The following SH2D4A variants were observed in gnomAD, a reference collection of about 807,000 sequenced individuals.
SH2D4A encodes SH2 domain containing 4A, also known as SH2 domain-containing protein 4A.
Under a neutral mutation model 64.7 loss-of-function variants are expected in SH2D4A, and 70 were observed. That is an observed-to-expected ratio of 1.08 (90% CI 0.89 to 1.32). The LOEUF (loss-of-function observed/expected upper bound fraction) is 1.32. SH2D4A is among the 40% of genes most tolerant of loss of function. The pLI, the probability that SH2D4A is intolerant of heterozygous loss-of-function variation, is 0.00. For missense variants in SH2D4A, 706 were observed against 540.1 expected, an observed-to-expected ratio of 1.31 and a Z score of -3.04; for synonymous variants, 268 against 200.7, an observed-to-expected ratio of 1.34 and a Z score of -2.83.
chr8:19,376,538 C>G (rs918324140), intron 8 of SH2D4A, among the ~76,000 whole-genome samples: 11 of 152,120 alleles, frequency 7.2e-5, no homozygotes, highest in Non-Finnish European at 1.2e-4. Flanking sequence ...AGGAGAATTG[C>G]TTGAACCCAG....
chr8:19,336,426 T>G (rs1421189205), intron 4 of SH2D4A, among the ~76,000 whole-genome samples: 2 of 152,128 alleles, frequency 1.3e-5, no homozygotes, highest in African/African-American at 4.8e-5. Context: ...ACATCCTCAT[T>G]GAGGCCTCCC....
Position 19,364,273 on chromosome 8 carries a change from A to G in SH2D4A, c.908A>G (p.Lys303Arg), listed in dbSNP as rs35319139. ...CTAAACTCAGGGGCATATCCTCAAA[A>G]ACCTCTTAGGTAAGAAGCCACACAG... is the stretch of plus-strand genomic sequence containing the variant. ...QFLNSGAYPQ[K>R]PLRNQGVVRT... The change falls in exon 7 of 10, where the codon AAA (lysine) becomes AGA (arginine). Residue 303 changes from lysine (K) to arginine (R), a missense_variant. Coordinates refer to ENST00000265807, the MANE Select transcript of SH2D4A (RefSeq NM_022071.4). The G allele has an allele frequency of 3.9e-3, 6,289 of 1,614,062 alleles. 234 individuals carry two copies. The African/African-American group carries it at 0.074, about 19-fold the overall frequency.
In SH2D4A at chr8:19,321,714, G is replaced by C. The variant is rs145910100; in HGVS notation, c.181+1986G>C. Among the ~76,000 whole-genome samples the C allele has an allele frequency of 7.2e-5, 11 of 152,228 alleles. No individual in the cohort carries two copies. The East Asian group carries it at 2.1e-3, about 29-fold the overall frequency. ...TGGATTCCCCAGTCAGAGTTTTTCAGATATAATTGGGTCTCTTCTGGGCAC... is the reference window on the plus strand; with the variant it reads ...TGGATTCCCCAGTCAGAGTTTTTCACATATAATTGGGTCTCTTCTGGGCAC... On this transcript the variant is annotated intron_variant, in intron 2 of 9. Coordinates refer to ENST00000265807, the MANE Select transcript of SH2D4A (RefSeq NM_022071.4).
At chr8:19,343,428 G>A (rs940900173) in intron 4 of SH2D4A, among the ~76,000 whole-genome samples, 3 of 151,988 alleles carry the variant, frequency 2.0e-5, no homozygotes, top group African/African-American at 7.3e-5. Flanking sequence ...GAAAGACTCT[G>A]TCTCCAACAA....
At chr8:19,385,665 C>T (rs1402284220) in intron 8 of SH2D4A, among the ~76,000 whole-genome samples, 1 of 152,156 alleles carries the variant, frequency 6.6e-6, no homozygotes, top group Non-Finnish European at 1.5e-5. Flanking sequence ...TTCTTCTACT[C>T]CTGACAGTTT....
intron 1 of SH2D4A, among the ~76,000 whole-genome samples, chr8:19,316,657 C>T (rs1305349913): frequency 1.3e-5 from 2 of 152,192 alleles, no homozygotes; most frequent in Non-Finnish European, 2.9e-5. Flanking sequence ...TCTGTTGCTG[C>T]AGGAATTTGC....
chr8:19,340,101 A>G (rs928575868), intron 4 of SH2D4A, among the ~76,000 whole-genome samples: 1 of 152,290 alleles, frequency 6.6e-6, no homozygotes, highest in African/African-American at 2.4e-5. Context: ...TGCAGAGGAC[A>G]TGGCCCCTAG....
intron 3 of SH2D4A, among the ~76,000 whole-genome samples, chr8:19,333,751 T>G (rs1276799884): frequency 6.6e-6 from 1 of 152,108 alleles, no homozygotes; most frequent in Non-Finnish European, 1.5e-5. Flanking sequence ...TTACCAAGCA[T>G]AGGTGGGAAC....
chr8:19,327,673 G>A lies in SH2D4A; in HGVS notation c.182-5282G>A, dbSNP rs78419107. On this transcript the variant is annotated intron_variant, in intron 2 of 9. Transcript: ENST00000265807. ...TGTGTTTCCCCCATTTAAAGAAATC[G>A]TTCAGCCAACTGTGCTCTTGAAGTA... is the stretch of plus-strand genomic sequence containing the variant. 6.3e-3 allele frequency among the ~76,000 whole-genome samples: 962 copies of A among 152,180 alleles called. 9 individuals are homozygous for A. Among genetic ancestry groups the A allele is most frequent in the African/African-American group, 0.02 (828 of 41,524 alleles).
intron 7 of SH2D4A, among the ~76,000 whole-genome samples, chr8:19,368,276 A>AG (rs2053035004): frequency 6.6e-6 from 1 of 152,136 alleles, no homozygotes; most frequent in Non-Finnish European, 1.5e-5. Context: ...AGTATATTTT[A>AG]AAGTCATTTA....
At chr8:19,337,603 C>A (rs1016526214) in intron 4 of SH2D4A, among the ~76,000 whole-genome samples, 5 of 152,148 alleles carry the variant, frequency 3.3e-5, no homozygotes, top group African/African-American at 1.2e-4. Context: ...CAAGATTGGG[C>A]AGTTTACAAA....
chr8:19,361,031 A>G (rs1314574874), intron 5 of SH2D4A, 172 bp from the exon 6 acceptor site: 6 of 449,356 alleles, frequency 1.3e-5, no homozygotes, highest in Admixed American at 3.7e-5. Context: ...GTCTTACTTC[A>G]GGTCTTACTG....
chr8:19,342,659 G>C (rs147021694), intron 4 of SH2D4A, among the ~76,000 whole-genome samples: 1 of 152,178 alleles, frequency 6.6e-6, no homozygotes, highest in African/African-American at 2.4e-5. Context: ...TTCACAGGGG[G>C]AGCTGGGTCT....
At chr8:19,327,100 C>T (rs979327951) in intron 2 of SH2D4A, among the ~76,000 whole-genome samples, 2 of 152,324 alleles carry the variant, frequency 1.3e-5, no homozygotes, top group South Asian at 4.1e-4. Flanking sequence ...AGAGATTTCT[C>T]TGCAGAATGA....
chr8:19,364,851 G>C (rs2052964991), intron 7 of SH2D4A, among the ~76,000 whole-genome samples: 1 of 152,154 alleles, frequency 6.6e-6, no homozygotes, highest in African/African-American at 2.4e-5. Context: ...TGTCTATTTG[G>C]TGGTGGAGAT....
intron 7 of SH2D4A, among the ~76,000 whole-genome samples, chr8:19,366,750 C>T (rs910618355): frequency 3.0e-4 from 46 of 152,318 alleles, no homozygotes; most frequent in African/African-American, 1.1e-3. Flanking sequence ...CAAGATCACA[C>T]CACTGCACTC....
chr8:19,361,300 A>T lies in SH2D4A; in HGVS notation c.692A>T (p.Glu231Val). Reference protein sequence around the residue: ...QICKSWKEDSEWQASLRKSKA... With the variant: ...QICKSWKEDSVWQASLRKSKA... ...TGTAAGAGCTGGAAAGAAGACTCGG[A>T]ATGGCAGGCATCTCGTGAGTACCCA... Residue 231 changes from glutamate to valine, a missense_variant, in exon 6 of 10, where the codon GAA (glutamate) becomes GTA (valine). By Grantham distance (121) the Glu-to-Val change is moderately radical. Transcript: ENST00000265807. 6.2e-7 allele frequency: 1 copy of T among 1,611,338 alleles called. No individual in the cohort carries two copies. Among genetic ancestry groups the T allele is most frequent in the Non-Finnish European group, 8.5e-7 (1 of 1,179,230 alleles).
intron 7 of SH2D4A, 68 bp from the exon 8 acceptor site, chr8:19,373,461 TA>T: frequency 9.7e-7 from 1 of 1,033,434 alleles, no homozygotes; most frequent in East Asian, 2.7e-5. Context: ...TATATATATA[TA>T]TATGACTTTT....
chr8:19,353,568 C>T (rs2117261928), intron 4 of SH2D4A, among the ~76,000 whole-genome samples: 1 of 151,526 alleles, frequency 6.6e-6, no homozygotes, highest in South Asian at 2.1e-4. Flanking sequence ...GGGGTTTCAC[C>T]ATGTTGGCCA....
Sources: allele counts gnomAD v4.1 joint callset (sites outside exome capture counted in the v4.1 genomes callset), GRCh38; gene constraint gnomAD v4.1.1; transcripts MANE v1.5; gene names NCBI Gene and HGNC (gene_info 2026-07-23, HGNC 2026-07-21).